The following XRN1 variants were observed in gnomAD, a reference collection of about 807,000 sequenced individuals.
XRN1 encodes 5'-3' exoribonuclease 1, also known as strand-exchange protein 1 homolog.
In XRN1, 67 loss-of-function variants were observed where a neutral mutation model predicts 222.3. The observed-to-expected ratio is 0.30, with a 90% CI of 0.25 to 0.37. The LOEUF is 0.37. XRN1 is among the 10% of genes least tolerant of loss of function. XRN1 has a pLI of 1.00. For missense variants in XRN1, 1,707 were observed against 2,000.2 expected (o/e 0.85, Z 2.80); for synonymous variants, 643 against 652.4 (o/e 0.99, Z 0.22).
At position 142,309,472 on chromosome 3, in the gene XRN1, C is replaced by T. The variant is rs145599805; in HGVS notation, c.*2039G>A. ...CTCCGGACCTCAAGTGATCCGCCTG[C>T]CTTAGCCTCCCGAAGTGCTGGGATT... is the stretch of plus-strand genomic sequence containing the variant. On this transcript the variant is annotated 3_prime_UTR_variant, in exon 41 of 41. Coordinates refer to ENST00000392981, the MANE Select transcript of XRN1 (RefSeq NM_001282857.2). 3.3e-5 allele frequency: 5 copies of T among 152,408 alleles called. No individual in the cohort carries two copies. Among genetic ancestry groups the T allele is most frequent in the African/African-American group, 1.2e-4 (5 of 41,574 alleles). 9.4% of individuals were successfully genotyped at this position (152,408 alleles called of 1,614,324 possible). A position where few individuals can be genotyped will look rare whatever the true frequency, so the allele number is the denominator to read the frequency against.
rs1560282120 is a variant in XRN1 at position 142,318,630 on chromosome 3, G to A, written c.4583C>T (p.Pro1528Leu). Residue 1528 changes from proline (P) to leucine (L), a missense_variant, in exon 39 of 41, where the codon CCA (proline) becomes CTA (leucine). Pro to Leu is a moderately conservative substitution (Grantham distance 98). This residue lies in a region of XRN1 where 473 missense variants were observed against 482.0 expected (regional missense o/e 0.98). Transcript: ENST00000392981. ...AAAGGCTGGAGGAATGGTTCCAGGTGGTACAGCTGAAGGATAATTTGCAAA... is the reference window on the plus strand; with the variant it reads ...AAAGGCTGGAGGAATGGTTCCAGGTAGTACAGCTGAAGGATAATTTGCAAA... ...QVFANYPSAVPPGTIPPAFPP... is the reference protein window; with the variant it reads ...QVFANYPSAVLPGTIPPAFPP... The A allele has an allele frequency of 6.2e-7, 1 of 1,609,312 alleles. No individual in the cohort carries two copies. The highest frequency in any genetic ancestry group is 1.7e-5 in the Admixed American group (1 of 59,216).
chr3:142,325,711 G>A (rs1017567094), intron 37 of XRN1, among the ~76,000 whole-genome samples: 34 of 152,082 alleles, frequency 2.2e-4, no homozygotes, highest in African/African-American at 8.0e-4. Context: ...TTAGTTGCCT[G>A]TGCTTTTGAT....
chr3:142,310,887 C>T lies in XRN1; in HGVS notation c.*624G>A, dbSNP rs1045617261. On this transcript the variant is annotated 3_prime_UTR_variant, in exon 41 of 41. Coordinates refer to ENST00000392981, the MANE Select transcript of XRN1 (RefSeq NM_001282857.2). The stretch of plus-strand genomic sequence containing the variant: ...AAATATTCTGATTATTCTAAAGTTG[C>T]TTTGGTACAAAATTTAGAATAAAGC... 1.3e-5 allele frequency: 2 copies of T among 152,524 alleles called. No individual in the cohort carries two copies. The highest frequency in any genetic ancestry group is 4.8e-5 in the African/African-American group (2 of 41,418). The allele number at this position is 152,524 out of a possible 1,614,324, so 9.4% of individuals were successfully genotyped here.
intron 2 of XRN1, among the ~76,000 whole-genome samples, chr3:142,430,371 T>G (rs2069470761): frequency 6.6e-6 from 1 of 152,180 alleles, no homozygotes; most frequent in African/African-American, 2.4e-5. Context: ...ACACTAGATC[T>G]TCTAGGCTAG....
intron 39 of XRN1, among the ~76,000 whole-genome samples, chr3:142,313,731 C>T (rs766731555): frequency 6.6e-5 from 10 of 152,116 alleles, no homozygotes; most frequent in Admixed American, 3.3e-4. Context: ...ATGAAAAACA[C>T]TAATAAGATT....
chr3:142,380,493 G>A (rs1171553526), intron 22 of XRN1, among the ~76,000 whole-genome samples: 1 of 151,976 alleles, frequency 6.6e-6, no homozygotes, highest in Non-Finnish European at 1.5e-5. Flanking sequence ...GATCAGGTGC[G>A]TTCAGGGTGG....
intron 26 of XRN1, 45 bp from the exon 27 acceptor site, chr3:142,370,665 C>T: frequency 6.6e-7 from 1 of 1,508,330 alleles, no homozygotes; most frequent in Non-Finnish European, 8.9e-7. Flanking sequence ...AAAACTTTCT[C>T]AGGGCTATAA....
Position 142,421,444 on chromosome 3 carries a change from C to A in XRN1, c.1035+32G>T, listed in dbSNP as rs182979835. 9 of 1,562,448 alleles carry A rather than the reference C, an allele frequency of 5.8e-6. No individual in the cohort carries two copies. In the East Asian group the frequency reaches 1.6e-4, roughly 28 times the overall value. On this transcript the variant is annotated intron_variant, in intron 9 of 40. Transcript: ENST00000392981. ...TGACTGATCATTTACAGCTACTCTG[C>A]GACAGGAAACCAAAAATTTCTAGTT...
Position 142,416,084 on chromosome 3 carries a change from C to CA in XRN1, c.1436+1055dup, listed in dbSNP as rs113909171. On this transcript the variant is annotated intron_variant, in intron 13 of 40. Transcript: ENST00000392981. ...TTGCTGACAGAACGAGACTCTGTCTCAAAAAAAAAAAGAACTCCTTTCTCT... is the reference window on the plus strand; with the variant it reads ...TTGCTGACAGAACGAGACTCTGTCTCAAAAAAAAAAAAGAACTCCTTTCTCT... Among the ~76,000 whole-genome samples, 105 of 142,940 alleles carry CA rather than the reference C, an allele frequency of 7.3e-4. No homozygotes were observed. In the East Asian group the frequency reaches 8.1e-3, roughly 11 times the overall value. The allele number at this position is 142,940 out of a possible 152,430, so 93.8% of individuals were successfully genotyped here.
Position 142,371,444 on chromosome 3 carries a change from T to C in XRN1, c.2979-116A>G, listed in dbSNP as rs181810218. On this transcript the variant is annotated intron_variant, in intron 25 of 40. Transcript: ENST00000392981. Reference sequence around the variant, plus strand: ...ATATAAAGCTTATTGAGGACTACTATAATATTAATAAGGGATATTATTAAA... The same window carrying C: ...ATATAAAGCTTATTGAGGACTACTACAATATTAATAAGGGATATTATTAAA... 1.4e-5 allele frequency: 10 copies of C among 706,560 alleles called. No homozygotes were observed. In the Admixed American group the frequency reaches 2.3e-4, roughly 16 times the overall value. The allele number at this position is 706,560 out of a possible 1,614,324, so 43.8% of individuals were successfully genotyped here. A position where few individuals can be genotyped will look rare whatever the true frequency, so the allele number is the denominator to read the frequency against.
At chr3:142,423,857 T>G (rs1419049832) in intron 5 of XRN1, among the ~76,000 whole-genome samples, 1 of 152,196 alleles carries the variant, frequency 6.6e-6, no homozygotes, top group African/African-American at 2.4e-5. Context: ...CACATGCTTT[T>G]CATAACCATT....
At chr3:142,408,127 T>G (rs1049277656) in intron 15 of XRN1, among the ~76,000 whole-genome samples, 1 of 152,244 alleles carries the variant, frequency 6.6e-6, no homozygotes, top group African/African-American at 2.4e-5. Flanking sequence ...ATGCTACAGG[T>G]AAACATAAAT....
Position 142,308,434 on chromosome 3 carries a change from A to G in XRN1, c.*3077T>C, listed in dbSNP as rs926170117. 6.6e-6 allele frequency: 1 copy of G among 152,176 alleles called. No individual in the cohort carries two copies. Among genetic ancestry groups the G allele is most frequent in the African/African-American group, 2.4e-5 (1 of 41,448 alleles). 9.4% of individuals were successfully genotyped at this position (152,176 alleles called of 1,614,324 possible). On this transcript the variant is annotated 3_prime_UTR_variant, in exon 41 of 41. Coordinates refer to ENST00000392981, the MANE Select transcript of XRN1 (RefSeq NM_001282857.2). The stretch of plus-strand genomic sequence containing the variant: ...GTTCTTCATTCCTCCACCAATCGGG[A>G]AAAAAACCCTTCAATCTTTATTAGT...
rs2068705635 is a variant in XRN1, at chr3:142,414,380, A to G, written c.1437-89T>C. ...ATACTTTTCCCCATATTTTAACAACATATAAAAATAATTTTAAAAAATTAG... is the reference window on the plus strand; with the variant it reads ...ATACTTTTCCCCATATTTTAACAACGTATAAAAATAATTTTAAAAAATTAG... On this transcript the variant is annotated intron_variant, in intron 13 of 40. Transcript: ENST00000392981. 3 of 1,018,322 alleles carry G rather than the reference A, an allele frequency of 2.9e-6. No homozygotes were observed. In the East Asian group the frequency reaches 9.4e-5, roughly 32 times the overall value. The allele number at this position is 1,018,322 out of a possible 1,614,324, so 63.1% of individuals were successfully genotyped here.
At chr3:142,388,325 T>C (rs34565746) in intron 20 of XRN1, among the ~76,000 whole-genome samples, 1 of 152,254 alleles carries the variant, frequency 6.6e-6, no homozygotes, top group Admixed American at 6.5e-5. Context: ...TACTTTATTG[T>C]AAGAACACAC....
chr3:142,425,431 C>T lies in XRN1; in HGVS notation c.514G>A (p.Glu172Lys), dbSNP rs1237146508. The change falls in exon 4 of 41, where the codon GAG (glutamate) becomes AAG (lysine). Residue 172 changes from glutamate to lysine, a missense_variant and splice_region_variant. By Grantham distance (56) the Glu-to-Lys change is moderately conservative. Transcript: ENST00000392981. ...QGVTIYFSGH[E>K]TPGEGEHKIM... is the part of the protein sequence containing the mutation. The stretch of plus-strand genomic sequence containing the variant: ...TTTAAATAAAAAAAGATAATAACCT[C>T]ATGGCCTGAGAAGTAGATGGTAACT... 1.2e-6 allele frequency: 2 copies of T among 1,609,388 alleles called. No individual in the cohort carries two copies. The highest frequency in any genetic ancestry group is 1.3e-5 in the African/African-American group (1 of 74,772).
intron 20 of XRN1, among the ~76,000 whole-genome samples, chr3:142,384,959 A>T (rs2067438975): frequency 6.6e-6 from 1 of 152,192 alleles, no homozygotes; most frequent in South Asian, 2.1e-4. Context: ...CGTTATAATT[A>T]AAAAACAGGG....
chr3:142,377,163 G>T (rs1346082274), intron 23 of XRN1, among the ~76,000 whole-genome samples: 2 of 149,608 alleles, frequency 1.3e-5, no homozygotes, highest in Non-Finnish European at 3.0e-5. Context: ...AATTAATACA[G>T]TCAATGAAAT....
At chr3:142,428,310 G>T in intron 2 of XRN1, among the ~76,000 whole-genome samples, 1 of 148,958 alleles carries the variant, frequency 6.7e-6, no homozygotes, top group East Asian at 2.0e-4. Flanking sequence ...CAGGAGATTC[G>T]CTTGAACCCA....
Sources: gnomAD v4.1 joint callset for allele counts (sites outside exome capture counted in the v4.1 genomes callset) on GRCh38, gnomAD v4.1.1 for gene constraint, gnomAD v4.1.1 regional missense constraint, MANE v1.5 for transcripts, NCBI Gene and HGNC (gene_info 2026-07-23, HGNC 2026-07-21) for gene names.